DTNB: variants seen among roughly 807,000 people sequenced by gnomAD.
DTNB encodes the protein dystrobrevin beta.
Under a neutral mutation model 90.7 loss-of-function variants are expected in DTNB, and 63 were observed. The ratio of observed to expected loss-of-function variants is 0.69; its 90% CI spans 0.57 to 0.86. DTNB has a LOEUF of 0.86. DTNB is among the 40% of genes least tolerant of loss of function. DTNB has a pLI of 0.00. For missense variants in DTNB, 744 were observed against 807.1 expected, an observed-to-expected ratio of 0.92 and a Z score of 0.95; for synonymous variants, 277 against 286.7, an observed-to-expected ratio of 0.97 and a Z score of 0.34.
chr2:25,468,811 G>A (rs2062255318), intron 10 of DTNB, among the ~76,000 whole-genome samples: 1 of 152,140 alleles, frequency 6.6e-6, no homozygotes. Context: ...AAACTCTAAA[G>A]TGTTTACCTA....
At chr2:25,415,247 T>C (rs571439460) in intron 16 of DTNB, among the ~76,000 whole-genome samples, 17 of 147,194 alleles carry the variant, frequency 1.2e-4, no homozygotes, top group Admixed American at 4.1e-4. Context: ...AGAGCTTCTT[T>C]TTTTTTTTTT....
chr2:25,576,537 T>C (rs1157907587), intron 8 of DTNB: 3 of 215,634 alleles, frequency 1.4e-5, no homozygotes, highest in Non-Finnish European at 2.7e-5. Context: ...CTGTACAGTT[T>C]TAAAATAAAA....
chr2:25,411,601 CG>C (rs780291139), intron 16 of DTNB, among the ~76,000 whole-genome samples: 5 of 152,030 alleles, frequency 3.3e-5, no homozygotes, highest in African/African-American at 4.8e-5. Flanking sequence ...GAGAGTCCTA[CG>C]TATAGCACAG....
At chr2:25,584,246 G>A (rs1040712636) in intron 6 of DTNB, among the ~76,000 whole-genome samples, 13 of 152,246 alleles carry the variant, frequency 8.5e-5, no homozygotes, top group African/African-American at 2.4e-4. Context: ...ATGTGACGAA[G>A]CCACAATTAT....
At chr2:25,522,509 A>C (rs1214309785) in intron 9 of DTNB, among the ~76,000 whole-genome samples, 1 of 152,136 alleles carries the variant, frequency 6.6e-6, no homozygotes, top group Admixed American at 6.5e-5. Context: ...TCGGCGGAGA[A>C]CAAGATAAAG....
chr2:25,659,633 T>C (rs762728831), intron 1 of DTNB, among the ~76,000 whole-genome samples: 6 of 152,080 alleles, frequency 3.9e-5, no homozygotes, highest in African/African-American at 1.2e-4. Flanking sequence ...TTCTAATCTA[T>C]ACATATAACA....
At chr2:25,414,788 G>C (rs927773835) in intron 16 of DTNB, among the ~76,000 whole-genome samples, 1 of 152,118 alleles carries the variant, frequency 6.6e-6, no homozygotes, top group Non-Finnish European at 1.5e-5. Context: ...GGCTACAGGC[G>C]GGGGATGTAA....
chr2:25,383,988 T>C (rs2038702088), intron 18 of DTNB, 99 bp from the exon 19 acceptor site: 4 of 1,595,142 alleles, frequency 2.5e-6, no homozygotes, highest in Non-Finnish European at 3.4e-6. Context: ...GAGGAAACTC[T>C]AGCTAACAGC....
chr2:25,650,270 G>T, intron 2 of DTNB: 1 of 982,524 alleles, frequency 1.0e-6, no homozygotes. Flanking sequence ...TAACATGGAA[G>T]TTTCATGAAG....
At chr2:25,577,121 T>C in intron 7 of DTNB, 117 bp from the exon 8 acceptor site, 1 of 1,167,300 alleles carries the variant, frequency 8.6e-7, no homozygotes, top group Non-Finnish European at 1.2e-6. Context: ...ATACCAAAAC[T>C]AATATAAAAA....
At chr2:25,434,470 G>A (rs1425508820) in intron 12 of DTNB, among the ~76,000 whole-genome samples, 1 of 148,660 alleles carries the variant, frequency 6.7e-6, no homozygotes, top group Non-Finnish European at 1.5e-5. Flanking sequence ...GGATGCAGTG[G>A]CATGATCACA....
At chr2:25,406,489 C>T (rs559900968) in intron 16 of DTNB, among the ~76,000 whole-genome samples, 48 of 149,536 alleles carry the variant, frequency 3.2e-4, no homozygotes, top group Non-Finnish European at 6.2e-4. Flanking sequence ...GAGCCGAGAT[C>T]GTGCCATTGC....
At chr2:25,584,014 G>A (rs995241341) in intron 6 of DTNB, among the ~76,000 whole-genome samples, 2 of 152,108 alleles carry the variant, frequency 1.3e-5, no homozygotes, top group Non-Finnish European at 2.9e-5. Context: ...CACCAACCAC[G>A]TGATCTGGAG....
chr2:25,505,152 C>T (rs1477694002), intron 9 of DTNB, among the ~76,000 whole-genome samples: 2 of 152,164 alleles, frequency 1.3e-5, no homozygotes, highest in Non-Finnish European at 1.5e-5. Context: ...AAGTAACTAT[C>T]CAAACTGGCA....
chr2:25,612,840 T>C lies in DTNB; in HGVS notation c.363-5519A>G, dbSNP rs541696055. ...GAACTAGATATATACAGACTACTCC[T>C]TGAAAAACACAAACCACCAAAGCTC... On this transcript the variant is annotated intron_variant, in intron 4 of 20. Coordinates refer to ENST00000406818, the MANE Select transcript of DTNB (RefSeq NM_021907.5). 8.3e-4 allele frequency among the ~76,000 whole-genome samples: 127 copies of C among 152,300 alleles called. 1 individual carries two copies. Among genetic ancestry groups the C allele is most frequent in the Non-Finnish European group, 1.4e-3 (96 of 68,024 alleles).
chr2:25,657,522 C>T (rs960887883), intron 1 of DTNB, among the ~76,000 whole-genome samples: 1 of 152,166 alleles, frequency 6.6e-6, no homozygotes, highest in Non-Finnish European at 1.5e-5. Flanking sequence ...AGTTCAAGAC[C>T]AGCCTGGGCA....
intron 9 of DTNB, among the ~76,000 whole-genome samples, chr2:25,521,037 TTC>T (rs1177602637): frequency 1.3e-5 from 2 of 152,192 alleles, no homozygotes; most frequent in Non-Finnish European, 2.9e-5. Flanking sequence ...ATAAAAGACT[TTC>T]TGTCAGTAAG....
intron 5 of DTNB, among the ~76,000 whole-genome samples, chr2:25,606,820 T>C (rs920003502): frequency 2.6e-5 from 4 of 152,134 alleles, no homozygotes; most frequent in African/African-American, 7.2e-5. Flanking sequence ...TAAGGAATAA[T>C]GTAATCACAG....
At chr2:25,547,635 G>A (rs1023101936) in intron 8 of DTNB, among the ~76,000 whole-genome samples, 7 of 152,090 alleles carry the variant, frequency 4.6e-5, no homozygotes, top group Non-Finnish European at 8.8e-5. Flanking sequence ...TTCTCTTTTG[G>A]TGTTGTCCTT....
Sources: allele counts gnomAD v4.1 joint callset (sites outside exome capture counted in the v4.1 genomes callset), GRCh38; gene constraint gnomAD v4.1.1; transcripts MANE v1.5; gene names NCBI Gene and HGNC (gene_info 2026-07-23, HGNC 2026-07-21).